ZBTB20: variants seen among roughly 807,000 people sequenced by gnomAD.
ZBTB20 encodes zinc finger and BTB domain-containing protein 20.
A neutral mutation model predicts 56.9 loss-of-function variants in ZBTB20; 9 were observed. The ratio of observed to expected loss-of-function variants is 0.16; its 90% CI spans 0.10 to 0.28. The LOEUF (loss-of-function observed/expected upper bound fraction) is 0.28. Ranked by LOEUF, ZBTB20 falls within the 10% of genes least tolerant of loss-of-function variation. ZBTB20 has a pLI of 1.00. For missense variants in ZBTB20, 655 were observed against 1,003.0 expected (o/e 0.65, Z 4.69); for synonymous variants, 417 against 420.7 (o/e 0.99, Z 0.11).
chr3:114,738,118 T>C (rs1560189348), intron 5 of ZBTB20, among the ~76,000 whole-genome samples: 1 of 152,126 alleles, frequency 6.6e-6, no homozygotes, highest in African/African-American at 2.4e-5. Context: ...TTTCCTTTTA[T>C]GCTACTATTC....
chr3:114,932,820 T>A (rs1343250611), intron 3 of ZBTB20, among the ~76,000 whole-genome samples: 1 of 152,190 alleles, frequency 6.6e-6, no homozygotes, highest in Non-Finnish European at 1.5e-5. Flanking sequence ...GCTCTTCCCA[T>A]CAAGAGGCAG....
At chr3:114,895,706 A>G (rs2074848005) in intron 4 of ZBTB20, among the ~76,000 whole-genome samples, 1 of 152,126 alleles carries the variant, frequency 6.6e-6, no homozygotes, top group Non-Finnish European at 1.5e-5. Flanking sequence ...GAAGAGAGGA[A>G]AAAATAATAC....
At chr3:114,676,933 C>A (rs777265565) in intron 6 of ZBTB20, among the ~76,000 whole-genome samples, 7 of 152,078 alleles carry the variant, frequency 4.6e-5, no homozygotes, top group Non-Finnish European at 1.0e-4. Context: ...CAACACCACG[C>A]CCAGCTAATT....
chr3:114,806,474 T>C (rs990263708), intron 4 of ZBTB20, among the ~76,000 whole-genome samples: 4 of 151,958 alleles, frequency 2.6e-5, no homozygotes, highest in African/African-American at 9.7e-5. Flanking sequence ...ATTCTTTATA[T>C]ATTATGCGTA....
intron 6 of ZBTB20, among the ~76,000 whole-genome samples, chr3:114,574,292 A>G (rs775021562): frequency 5.3e-5 from 8 of 152,310 alleles, no homozygotes; most frequent in Non-Finnish European, 8.8e-5. Flanking sequence ...TCCTCTAGAC[A>G]GATGCCTAGA....
chr3:115,122,828 A>C (rs2108649462), intron 1 of ZBTB20, among the ~76,000 whole-genome samples: 1 of 152,196 alleles, frequency 6.6e-6, no homozygotes, highest in African/African-American at 2.4e-5. Flanking sequence ...CCTTTCCACA[A>C]GCCTACATTG....
intron 6 of ZBTB20, among the ~76,000 whole-genome samples, chr3:114,505,213 C>T (rs984188733): frequency 6.6e-6 from 1 of 152,100 alleles, no homozygotes; most frequent in Non-Finnish European, 1.5e-5. Context: ...AACTCCAAGC[C>T]TAGGCACTAT....
intron 7 of ZBTB20, among the ~76,000 whole-genome samples, chr3:114,446,934 T>C (rs1045616168): frequency 6.6e-6 from 1 of 152,200 alleles, no homozygotes; most frequent in Non-Finnish European, 1.5e-5. Flanking sequence ...CTCCAATCTG[T>C]GAGAAGACAT....
At chr3:114,781,341 G>A (rs967601137) in intron 5 of ZBTB20, among the ~76,000 whole-genome samples, 1 of 152,126 alleles carries the variant, frequency 6.6e-6, no homozygotes, top group Non-Finnish European at 1.5e-5. Flanking sequence ...ACAGGGACTG[G>A]CACATAGTAA....
intron 9 of ZBTB20, 132 bp from the exon 10 acceptor site, chr3:114,380,536 T>A: frequency 8.0e-7 from 1 of 1,254,098 alleles, no homozygotes; most frequent in South Asian, 1.6e-5. Flanking sequence ...ATGTCCCTTG[T>A]TTTAAAACAA....
intron 4 of ZBTB20, among the ~76,000 whole-genome samples, chr3:114,827,786 C>T (rs1342018276): frequency 6.6e-6 from 1 of 151,754 alleles, no homozygotes. Flanking sequence ...ATAATATATT[C>T]TGCCTAGTAT....
chr3:114,876,795 A>T (rs1356778163), intron 4 of ZBTB20, among the ~76,000 whole-genome samples: 2 of 152,200 alleles, frequency 1.3e-5, no homozygotes, highest in Non-Finnish European at 2.9e-5. Flanking sequence ...TTCGAGGCTT[A>T]GTTCAGTTCC....
intron 4 of ZBTB20, among the ~76,000 whole-genome samples, chr3:114,809,048 GT>G (rs1356511106): frequency 7.3e-5 from 11 of 151,152 alleles, no homozygotes; most frequent in African/African-American, 2.7e-4. Flanking sequence ...GAAGTAAGCT[GT>G]TAATCGTAGT....
chr3:115,057,480 G>C (rs1368405669), intron 2 of ZBTB20, among the ~76,000 whole-genome samples: 1 of 151,702 alleles, frequency 6.6e-6, no homozygotes, highest in Non-Finnish European at 1.5e-5. Flanking sequence ...CTATTTCCCT[G>C]CTCCAATTAT....
intron 7 of ZBTB20, among the ~76,000 whole-genome samples, chr3:114,409,606 G>A (rs760872667): frequency 1.3e-5 from 2 of 151,914 alleles, no homozygotes; most frequent in Non-Finnish European, 2.9e-5. Context: ...GCACATTTTA[G>A]GCTTGAACCA....
intron 7 of ZBTB20, among the ~76,000 whole-genome samples, chr3:114,455,298 C>T (rs1436236231): frequency 6.6e-6 from 1 of 151,944 alleles, no homozygotes; most frequent in African/African-American, 2.4e-5. Flanking sequence ...AGGGGAAAAG[C>T]GAATATTACA....
intron 6 of ZBTB20, among the ~76,000 whole-genome samples, chr3:114,596,371 C>T (rs955585701): frequency 1.3e-5 from 2 of 152,148 alleles, no homozygotes; most frequent in African/African-American, 4.8e-5. Flanking sequence ...TTTTATAATA[C>T]TGCTTTTTGA....
intron 1 of ZBTB20, among the ~76,000 whole-genome samples, chr3:115,130,670 GA>G (rs1471263059): frequency 5.3e-5 from 8 of 151,854 alleles, no homozygotes; most frequent in Non-Finnish European, 1.2e-4. Context: ...AAATATAAAG[GA>G]AAAAAACAAT....
intron 1 of ZBTB20, among the ~76,000 whole-genome samples, chr3:115,145,340 T>G (rs763043135): frequency 7.2e-5 from 11 of 152,242 alleles, no homozygotes; most frequent in Non-Finnish European, 1.0e-4. Context: ...AAACTTACAG[T>G]TGACCCTCAG....
Sources: gnomAD v4.1 joint callset for allele counts (sites outside exome capture counted in the v4.1 genomes callset) on GRCh38, gnomAD v4.1.1 for gene constraint, MANE v1.5 for transcripts, NCBI Gene and HGNC (gene_info 2026-07-23, HGNC 2026-07-21) for gene names.